The following NRG3 variants were observed in gnomAD, a reference collection of about 807,000 sequenced individuals.
The protein encoded by NRG3 is pro-neuregulin-3, membrane-bound isoform.
NRG3 carries 31 observed loss-of-function variants against 66.9 expected under a neutral mutation model. The ratio of observed to expected loss-of-function variants is 0.46; its 90% CI spans 0.35 to 0.63. The LOEUF is 0.63. Among genes scored for constraint, NRG3 ranks in the 20% least tolerant of loss-of-function variants. NRG3 has a pLI of 0.00. For missense variants in NRG3, 910 were observed against 878.9 expected, an observed-to-expected ratio of 1.04 and a Z score of -0.45; for synonymous variants, 393 against 359.4, an observed-to-expected ratio of 1.09 and a Z score of -1.06.
rs1430964627 is a variant in NRG3, at chr10:82,258,099, G to A, written c.824-100640G>A. ...TTTGTAGTCATCTCTCTTTGTAACCGCTTTGTTATTTAATAGTTGTCCAGA... is the reference window on the plus strand; with the variant it reads ...TTTGTAGTCATCTCTCTTTGTAACCACTTTGTTATTTAATAGTTGTCCAGA... On this transcript the variant is annotated intron_variant, in intron 1 of 8. Transcript: ENST00000372141. 3.3e-5 allele frequency among the ~76,000 whole-genome samples: 5 copies of A among 152,254 alleles called. No homozygotes were observed. In the South Asian group the frequency reaches 6.2e-4, roughly 19 times the overall value.
chr10:82,899,038 A>C (rs1486166742), intron 4 of NRG3, among the ~76,000 whole-genome samples: 1 of 152,082 alleles, frequency 6.6e-6, no homozygotes, highest in East Asian at 1.9e-4. Flanking sequence ...GGTTACACGC[A>C]GTGAATTATT....
chr10:82,257,803 G>T, intron 1 of NRG3, among the ~76,000 whole-genome samples: 1 of 152,026 alleles, frequency 6.6e-6, no homozygotes, highest in African/African-American at 2.4e-5. Flanking sequence ...TTCCTATGAT[G>T]TCTATCTAAC....
chr10:81,880,656 C>T (rs969637026), intron 1 of NRG3, among the ~76,000 whole-genome samples: 11 of 152,204 alleles, frequency 7.2e-5, no homozygotes, highest in Non-Finnish European at 1.2e-4. Context: ...CATAACCTCT[C>T]ATCTCCAATG....
At chr10:82,137,041 T>C (rs922004261) in intron 1 of NRG3, among the ~76,000 whole-genome samples, 5 of 151,332 alleles carry the variant, frequency 3.3e-5, no homozygotes, top group Non-Finnish European at 7.3e-5. Context: ...CCTGATTTTG[T>C]TTTTTCTGGA....
chr10:82,649,402 C>G (rs1448193406), intron 2 of NRG3, among the ~76,000 whole-genome samples: 3 of 148,248 alleles, frequency 2.0e-5, no homozygotes, highest in African/African-American at 7.5e-5. Flanking sequence ...CTATCACAAG[C>G]TTTTGACTGG....
At chr10:82,216,162 G>A (rs2075665429) in intron 1 of NRG3, among the ~76,000 whole-genome samples, 1 of 151,670 alleles carries the variant, frequency 6.6e-6, no homozygotes, top group South Asian at 2.1e-4. Context: ...GGTATTTTTA[G>A]CAGAGACAGG....
chr10:82,009,552 G>A (rs2061498428), intron 1 of NRG3, among the ~76,000 whole-genome samples: 1 of 152,052 alleles, frequency 6.6e-6, no homozygotes, highest in African/African-American at 2.4e-5. Flanking sequence ...TCTTCCCTCA[G>A]GTATTTTTCT....
intron 3 of NRG3, among the ~76,000 whole-genome samples, chr10:82,842,015 GA>G (rs1352024161): frequency 1.1e-4 from 16 of 152,086 alleles, no homozygotes; most frequent in African/African-American, 3.9e-4. Context: ...AGGGCTGCAG[GA>G]TAATTTTAAA....
At chr10:82,162,674 C>G (rs1054305360) in intron 1 of NRG3, among the ~76,000 whole-genome samples, 4 of 152,210 alleles carry the variant, frequency 2.6e-5, no homozygotes, top group African/African-American at 4.8e-5. Flanking sequence ...TCATTACTGG[C>G]AGAGAAACCA....
chr10:82,635,735 T>C (rs549307879), intron 2 of NRG3, among the ~76,000 whole-genome samples: 1 of 152,148 alleles, frequency 6.6e-6, no homozygotes, highest in African/African-American at 2.4e-5. Flanking sequence ...TGTTCTCTTC[T>C]CCTTTCCCTT....
intron 1 of NRG3, among the ~76,000 whole-genome samples, chr10:82,316,893 C>T (rs193042816): frequency 6.6e-6 from 1 of 152,118 alleles, no homozygotes; most frequent in Non-Finnish European, 1.5e-5. Flanking sequence ...GAGCAGATTC[C>T]AGGCTTCTTA....
chr10:82,108,649 G>C (rs1469911046), intron 1 of NRG3, among the ~76,000 whole-genome samples: 1 of 152,152 alleles, frequency 6.6e-6, no homozygotes, highest in Non-Finnish European at 1.5e-5. Context: ...ATAATTGATT[G>C]CAAAAATAAT....
chr10:81,951,460 T>G (rs1446548426), intron 1 of NRG3, among the ~76,000 whole-genome samples: 1 of 152,180 alleles, frequency 6.6e-6, no homozygotes, highest in African/African-American at 2.4e-5. Context: ...TCCTGGAAAC[T>G]CCTACTGCTG....
chr10:82,864,439 A>G (rs1444088332), intron 3 of NRG3, among the ~76,000 whole-genome samples: 1 of 152,220 alleles, frequency 6.6e-6, no homozygotes, highest in Non-Finnish European at 1.5e-5. Flanking sequence ...TAAAGAATTC[A>G]TAAAAGGAAG....
intron 1 of NRG3, among the ~76,000 whole-genome samples, chr10:82,149,608 G>A (rs752416121): frequency 1.2e-4 from 19 of 152,020 alleles, no homozygotes; most frequent in Middle Eastern, 3.4e-3. Flanking sequence ...TTCTCATAAA[G>A]TTCCTCCATA....
At chr10:82,106,548 T>G (rs1590136179) in intron 1 of NRG3, among the ~76,000 whole-genome samples, 1 of 151,288 alleles carries the variant, frequency 6.6e-6, no homozygotes, top group East Asian at 2.0e-4. Context: ...TTCTGTCACC[T>G]AGGCTGGAGT....
chr10:81,926,253 G>C (rs534081103), intron 1 of NRG3, among the ~76,000 whole-genome samples: 31 of 152,140 alleles, frequency 2.0e-4, no homozygotes, highest in Non-Finnish European at 4.3e-4. Flanking sequence ...GAGTAGCTGG[G>C]ATTACAGGCA....
Position 81,881,842 on chromosome 10 carries a change from T to C in NRG3, c.823+5679T>C, listed in dbSNP as rs981442443. Among the ~76,000 whole-genome samples, 5 of 149,580 alleles carry C rather than the reference T, an allele frequency of 3.3e-5. No individual in the cohort carries two copies. In the South Asian group the frequency reaches 1.1e-3, roughly 32 times the overall value. ...ATTAGCCACACCTGTAACTATCAGCTTTTTTTTTCTTTTAAAAGACACTAG... is the reference window on the plus strand; with the variant it reads ...ATTAGCCACACCTGTAACTATCAGCCTTTTTTTTCTTTTAAAAGACACTAG... On this transcript the variant is annotated intron_variant, in intron 1 of 8. Transcript: ENST00000372141.
chr10:82,165,252 A>G (rs1338788107), intron 1 of NRG3, among the ~76,000 whole-genome samples: 1 of 152,056 alleles, frequency 6.6e-6, no homozygotes, highest in Non-Finnish European at 1.5e-5. Flanking sequence ...GAGAAGTAGT[A>G]CTGGGAGAAA....
Sources: allele counts gnomAD v4.1 joint callset (sites outside exome capture counted in the v4.1 genomes callset), GRCh38; gene constraint gnomAD v4.1.1; transcripts MANE v1.5; gene names NCBI Gene and HGNC (gene_info 2026-07-23, HGNC 2026-07-21).